Variants in HACD3 observed in about 807,000 individuals in gnomAD.
The protein encoded by HACD3 is very-long-chain (3R)-3-hydroxyacyl-CoA dehydratase 3.
A neutral mutation model predicts 55.2 loss-of-function variants in HACD3; 30 were observed. The observed-to-expected ratio is 0.54, with a 90% confidence interval of 0.41 to 0.74. The LOEUF is 0.74. Among genes scored for constraint, HACD3 ranks in the 30% least tolerant of loss-of-function variants. The probability of loss-of-function intolerance (pLI) is 0.00; values close to 1 mark genes in which losing one functional copy is unlikely to be tolerated. For synonymous variants in HACD3, 141 were observed against 151.7 expected, an observed-to-expected ratio of 0.93 and a Z score of 0.52; for missense variants, 363 against 440.1, an observed-to-expected ratio of 0.82 and a Z score of 1.57.
At position 65,578,259 on chromosome 15, in the gene HACD3, T is replaced by C. The variant is rs1309823052; in HGVS notation, c.*1880T>C. The C allele has an allele frequency of 6.6e-6, 1 of 152,224 alleles. No homozygotes were observed. Among genetic ancestry groups the C allele is most frequent in the African/African-American group, 2.4e-5 (1 of 41,458 alleles). The allele number at this position is 152,224 out of a possible 1,614,324, so 9.4% of individuals were successfully genotyped here. A position where few individuals can be genotyped will look rare whatever the true frequency, so the allele number is the denominator to read the frequency against. ...TTATGCTGCATCCTCGTGGCAAAAT[T>C]CTGTATTCTTAGTGATTGTTACAAA... On this transcript the variant is annotated 3_prime_UTR_variant, in exon 11 of 11. Transcript: ENST00000261875.
chr15:65,550,932 A>G (rs2141212644), intron 1 of HACD3: 1 of 152,330 alleles, frequency 6.6e-6, no homozygotes, highest in South Asian at 2.1e-4. Flanking sequence ...TTATGATGCT[A>G]AATTGAAGGT....
At chr15:65,548,637 A>G (rs1230195669) in intron 1 of HACD3, among the ~76,000 whole-genome samples, 3 of 152,018 alleles carry the variant, frequency 2.0e-5, no homozygotes, top group African/African-American at 7.2e-5. Context: ...CAGTGGTGCA[A>G]TAAAAGCTCA....
chr15:65,576,320 C>T lies in HACD3; in HGVS notation c.1030C>T (p.Arg344Cys), dbSNP rs769410818. The T allele has an allele frequency of 1.3e-5, 20 of 1,597,716 alleles. No homozygotes were observed. The East Asian group carries it at 1.8e-4, about 14-fold the overall frequency. ...MIFLGLYINF[R>C]HLYKQRRRRY... is the part of the protein sequence containing the mutation. ...TTTTTCAGGTTTATACATAAATTTT[C>T]GTCACCTTTATAAACAGCGCAGACG... Residue 344 changes from arginine to cysteine, a missense_variant, in exon 11 of 11, where the codon CGT becomes TGT. Physicochemically the swap from Arg to Cys is radical, Grantham distance 180. Transcript: ENST00000261875.
intron 1 of HACD3, among the ~76,000 whole-genome samples, chr15:65,533,330 C>T (rs188271959): frequency 6.6e-6 from 1 of 152,176 alleles, no homozygotes; most frequent in Admixed American, 6.5e-5. Context: ...CAGATAAGAT[C>T]CTGTAAGAAA....
At chr15:65,576,265 A>G (rs1243871356) in intron 10 of HACD3, 38 bp from the exon 11 acceptor site, 3 of 1,555,670 alleles carry the variant, frequency 1.9e-6, no homozygotes. Flanking sequence ...TAAATAGACA[A>G]AGACTCTAAT....
chr15:65,566,922 A>G (rs769565710), intron 7 of HACD3: 2 of 152,206 alleles, frequency 1.3e-5, no homozygotes, highest in African/African-American at 2.4e-5. Context: ...TGAAAAACCT[A>G]CCTTCAGTCT....
At chr15:65,556,663 A>G (rs758688718) in intron 3 of HACD3, 76 bp from the exon 4 acceptor site, 55 of 1,403,898 alleles carry the variant, frequency 3.9e-5, no homozygotes, top group Non-Finnish European at 5.2e-5. Flanking sequence ...TGCAGCTTCT[A>G]TGTACGGCGC....
chr15:65,549,599 CAAAAAAA>C (rs5813363), intron 1 of HACD3, among the ~76,000 whole-genome samples: 1 of 42,478 alleles, frequency 2.4e-5, no homozygotes, highest in African/African-American at 7.0e-5. Flanking sequence ...GATTCCATCT[CAAAAAAA>C]AAAAAAAAAA....
At chr15:65,558,807 C>T in intron 5 of HACD3, 76 bp downstream of exon 5, 1 of 1,482,638 alleles carries the variant, frequency 6.7e-7, no homozygotes, top group Non-Finnish European at 9.2e-7. Flanking sequence ...TGTGATGTGG[C>T]AGGAGAGCTA....
intron 7 of HACD3, among the ~76,000 whole-genome samples, chr15:65,568,943 A>G (rs771859809): frequency 1.3e-5 from 2 of 152,232 alleles, no homozygotes; most frequent in East Asian, 3.9e-4. Context: ...CTATAGCCAC[A>G]TGCATCAACA....
At chr15:65,572,772 G>C (rs1323227706) in intron 10 of HACD3, among the ~76,000 whole-genome samples, 4 of 151,726 alleles carry the variant, frequency 2.6e-5, no homozygotes, top group African/African-American at 7.3e-5. Flanking sequence ...AAAATTAGTT[G>C]GGTGTGGTGG....
intron 1 of HACD3, among the ~76,000 whole-genome samples, chr15:65,542,227 C>CAAAAAAAAAAAAA (rs527287203): frequency 4.7e-5 from 3 of 63,236 alleles, no homozygotes; most frequent in African/African-American, 1.9e-4. Context: ...GACTCCATCT[C>CAAAAAAAAAAAAA]AAAAAAAAAA....
At chr15:65,562,026 C>T (rs78684146) in intron 5 of HACD3, among the ~76,000 whole-genome samples, 9,198 of 152,296 alleles carry the variant, frequency 0.06, 284 homozygotes, top group African/African-American at 0.083. Context: ...CTTCCATGCC[C>T]TCCCCAGGTG....
At chr15:65,566,886 GGGAAA>G (rs1465756532) in intron 7 of HACD3, 1 of 152,144 alleles carries the variant, frequency 6.6e-6, no homozygotes, top group Non-Finnish European at 1.5e-5. Context: ...TTTAAGACTA[GGGAAA>G]TTTGACTCTT....
chr15:65,572,504 C>A, intron 10 of HACD3, 138 bp downstream of exon 10: 1 of 1,015,762 alleles, frequency 9.8e-7, no homozygotes, highest in Non-Finnish European at 1.4e-6. Flanking sequence ...AAAAACAGAC[C>A]CACTAGGGGA....
chr15:65,530,680 C>T lies in HACD3; in HGVS notation c.49C>T (p.Arg17Cys), dbSNP rs1053345731. The T allele has an allele frequency of 7.6e-6, 12 of 1,580,074 alleles. No homozygotes were observed. Among genetic ancestry groups the T allele is most frequent in the Middle Eastern group, 3.3e-4 (2 of 6,046 alleles). Residue 17 changes from arginine to cysteine, a missense_variant, in exon 1 of 11, where the codon CGC becomes TGC. Arg to Cys is a radical substitution (Grantham distance 180). Transcript: ENST00000261875. The part of the protein sequence containing the change: ...TPHVYWAQRH[R>C]ELYLRVELSD... ...GCATGTCTACTGGGCTCAGCGACAC[C>T]GCGAGCTATATCTGCGCGTGGAGCT...
intron 6 of HACD3, among the ~76,000 whole-genome samples, chr15:65,563,088 A>G (rs772050387): frequency 1.4e-4 from 22 of 152,166 alleles, no homozygotes; most frequent in Non-Finnish European, 2.4e-4. Flanking sequence ...ATAACAGGTA[A>G]TAAAATATAG....
chr15:65,534,624 T>G (rs1032389015), intron 1 of HACD3, among the ~76,000 whole-genome samples: 6 of 152,234 alleles, frequency 3.9e-5, no homozygotes, highest in Non-Finnish European at 8.8e-5. Context: ...GAGAGCTGTT[T>G]GAAAGATATT....
At chr15:65,570,236 C>T in intron 8 of HACD3, 33 bp downstream of exon 8, 1 of 1,440,300 alleles carries the variant, frequency 6.9e-7, no homozygotes, top group Non-Finnish European at 9.7e-7. Flanking sequence ...TGTTTGAATG[C>T]TGCTCCCTGT....
Sources: gnomAD v4.1 joint callset for allele counts (sites outside exome capture counted in the v4.1 genomes callset) on GRCh38, gnomAD v4.1.1 for gene constraint, MANE v1.5 for transcripts, NCBI Gene and HGNC (gene_info 2026-07-23, HGNC 2026-07-21) for gene names.